Variants in L3MBTL4 observed in about 807,000 individuals in gnomAD.
The protein encoded by L3MBTL4 is lethal(3)malignant brain tumor-like protein 4.
L3MBTL4 carries 70 observed loss-of-function variants against 84.5 expected under a neutral mutation model. The ratio of observed to expected loss-of-function variants is 0.83; its 90% CI spans 0.68 to 1.01. L3MBTL4 has a LOEUF of 1.01. Ranked by LOEUF, L3MBTL4 falls within the 50% of genes least tolerant of loss-of-function variation. The pLI is 0.00. For synonymous variants in L3MBTL4, 274 were observed against 259.8 expected (o/e 1.05, Z -0.52); for missense variants, 715 against 754.8 (o/e 0.95, Z 0.62).
chr18:6,051,709 C>T (rs1323980665), intron 16 of L3MBTL4, among the ~76,000 whole-genome samples: 6 of 152,182 alleles, frequency 3.9e-5, no homozygotes, highest in African/African-American at 1.4e-4. Context: ...GAGCCACCAC[C>T]TTCCTGTATT....
chr18:6,213,272 T>G lies in L3MBTL4; in HGVS notation c.871-13A>C, dbSNP rs751306416. ...CATGAGGCAACCTCTGTAAATGTTA[T>G]TATAAGTACAACAAATCATGCAAAA... On this transcript the variant is annotated splice_polypyrimidine_tract_variant and intron_variant, in intron 11 of 18. Transcript: ENST00000317931. 1 of 1,452,834 alleles carries G rather than the reference T, an allele frequency of 6.9e-7. No homozygotes were observed. The highest frequency in any genetic ancestry group is 1.2e-5 in the South Asian group (1 of 82,324). 90.0% of individuals were successfully genotyped at this position (1,452,834 alleles called of 1,614,324 possible). A position where few individuals can be genotyped will look rare whatever the true frequency, so the allele number is the denominator to read the frequency against.
At chr18:5,997,613 C>A (rs1240397610) in intron 16 of L3MBTL4, among the ~76,000 whole-genome samples, 1 of 152,030 alleles carries the variant, frequency 6.6e-6, no homozygotes, top group Non-Finnish European at 1.5e-5. Flanking sequence ...CCCCCTCCCC[C>A]ACCTTGAGTT....
chr18:6,290,477 C>T (rs1181679786), intron 4 of L3MBTL4, among the ~76,000 whole-genome samples: 2 of 151,928 alleles, frequency 1.3e-5, no homozygotes, highest in East Asian at 3.9e-4. Context: ...ATCACTATGG[C>T]TACATGAATG....
intron 16 of L3MBTL4, among the ~76,000 whole-genome samples, chr18:6,059,729 C>T (rs2145875246): frequency 6.6e-6 from 1 of 152,308 alleles, no homozygotes; most frequent in Admixed American, 6.5e-5. Flanking sequence ...TGTGATGACG[C>T]TTCTAGCAGA....
chr18:6,136,951 T>A (rs1235798361), intron 14 of L3MBTL4, among the ~76,000 whole-genome samples: 1 of 152,234 alleles, frequency 6.6e-6, no homozygotes, highest in African/African-American at 2.4e-5. Context: ...AATGGCTCAC[T>A]TGACTTTCTC....
chr18:6,199,675 G>A (rs2045567038), intron 12 of L3MBTL4, among the ~76,000 whole-genome samples: 1 of 152,174 alleles, frequency 6.6e-6, no homozygotes, highest in Admixed American at 6.5e-5. Context: ...GGGCAGAAGG[G>A]GAAATCTGAA....
At chr18:6,158,706 C>A (rs1028641088) in intron 13 of L3MBTL4, among the ~76,000 whole-genome samples, 72 of 152,210 alleles carry the variant, frequency 4.7e-4, no homozygotes, top group African/African-American at 1.7e-3. Context: ...AGAGATCCCA[C>A]ATGGCTACTT....
intron 16 of L3MBTL4, among the ~76,000 whole-genome samples, chr18:6,008,913 C>T (rs1038501411): frequency 6.6e-6 from 1 of 152,204 alleles, no homozygotes; most frequent in Non-Finnish European, 1.5e-5. Flanking sequence ...GCCTCTCCTA[C>T]TTCAATAGAC....
intron 16 of L3MBTL4, among the ~76,000 whole-genome samples, chr18:6,015,546 C>A (rs1427234379): frequency 6.6e-6 from 1 of 152,182 alleles, no homozygotes; most frequent in Non-Finnish European, 1.5e-5. Context: ...TTGTTGACTT[C>A]TCCAGCCAGA....
chr18:6,173,549 G>A (rs2044079616), intron 12 of L3MBTL4, among the ~76,000 whole-genome samples: 1 of 152,140 alleles, frequency 6.6e-6, no homozygotes, highest in African/African-American at 2.4e-5. Context: ...GGAGGCCAAG[G>A]AAGGAGGATC....
chr18:6,387,129 A>C (rs377428936), intron 1 of L3MBTL4, among the ~76,000 whole-genome samples: 1 of 152,166 alleles, frequency 6.6e-6, no homozygotes, highest in Non-Finnish European at 1.5e-5. Context: ...ACACACACAC[A>C]AGAGAAAATT....
intron 1 of L3MBTL4, among the ~76,000 whole-genome samples, chr18:6,380,687 T>G (rs1311036587): frequency 6.6e-6 from 1 of 152,204 alleles, no homozygotes; most frequent in Non-Finnish European, 1.5e-5. Context: ...AGAGACAGTT[T>G]ATTATGCTTC....
Position 6,235,601 on chromosome 18 carries a change from T to C in L3MBTL4, c.784+2363A>G, listed in dbSNP as rs538989134. On this transcript the variant is annotated intron_variant, in intron 10 of 18. Transcript: ENST00000317931. ...TACAAAAGGTCACATATTGTATGAT[T>C]CCTTTCATGTAATATATCAAGAATA... 1.9e-4 allele frequency among the ~76,000 whole-genome samples: 29 copies of C among 152,344 alleles called. No individual in the cohort carries two copies. The South Asian group carries it at 6.0e-3, about 32-fold the overall frequency.
intron 16 of L3MBTL4, among the ~76,000 whole-genome samples, chr18:6,062,096 C>T (rs185464355): frequency 2.6e-3 from 388 of 151,998 alleles, no homozygotes; most frequent in African/African-American, 7.5e-3. Flanking sequence ...TAAGTAGTTC[C>T]GGGTTTCTGA....
At chr18:6,229,813 A>G (rs987489305) in intron 10 of L3MBTL4, among the ~76,000 whole-genome samples, 2 of 152,196 alleles carry the variant, frequency 1.3e-5, no homozygotes, top group African/African-American at 4.8e-5. Flanking sequence ...TGAGCTCTCT[A>G]TTCTACTCCA....
At position 6,238,490 on chromosome 18, in the gene L3MBTL4, GC is replaced by G. The variant is rs1222255602; in HGVS notation, c.708-451del. Reference sequence around the variant, plus strand: ...GGAGCTCACAGTGAGCCAAGATCGCGCCACTGCACTCCAGCCTGGGCAACAG... The same window carrying G: ...GGAGCTCACAGTGAGCCAAGATCGCGCACTGCACTCCAGCCTGGGCAACAG... On this transcript the variant is annotated intron_variant, in intron 9 of 18. Coordinates refer to ENST00000317931, the MANE Select transcript of L3MBTL4 (RefSeq NM_001330559.2). Among the ~76,000 whole-genome samples, 3 of 151,968 alleles carry G rather than the reference GC, an allele frequency of 2.0e-5. No individual in the cohort carries two copies. The South Asian group carries it at 6.2e-4, about 32-fold the overall frequency.
At chr18:6,278,738 C>G (rs1434733079) in intron 4 of L3MBTL4, among the ~76,000 whole-genome samples, 5 of 152,194 alleles carry the variant, frequency 3.3e-5, no homozygotes, top group Admixed American at 2.0e-4. Flanking sequence ...CTGGTCTATT[C>G]AAATGTTCAA....
chr18:6,209,478 C>T (rs567119), intron 12 of L3MBTL4, among the ~76,000 whole-genome samples: 1 of 138,134 alleles, frequency 7.2e-6, no homozygotes, highest in African/African-American at 3.0e-5. Context: ...CAAAACAAAA[C>T]AAAAACCAGA....
rs146103502 is a variant in L3MBTL4, at chr18:6,332,362, C to A, written c.-90-20306G>T. Among the ~76,000 whole-genome samples, 416 of 152,258 alleles carry A rather than the reference C, an allele frequency of 2.7e-3. 1 individual carries two copies. The highest frequency in any genetic ancestry group is 9.1e-3 in the African/African-American group (380 of 41,538). On this transcript the variant is annotated intron_variant, in intron 1 of 18. Coordinates refer to ENST00000317931, the MANE Select transcript of L3MBTL4 (RefSeq NM_001330559.2). ...ATACAATGCGTTAAGAAGAACCTAT[C>A]GGTTTAGCCAGCCCAACATCCTCTT...
Sources: allele counts gnomAD v4.1 joint callset (sites outside exome capture counted in the v4.1 genomes callset), GRCh38; gene constraint gnomAD v4.1.1; transcripts MANE v1.5; gene names NCBI Gene and HGNC (gene_info 2026-07-23, HGNC 2026-07-21).